The following PCSK2 variants were observed in gnomAD, a reference collection of about 807,000 sequenced individuals.
The protein encoded by PCSK2 is neuroendocrine convertase 2.
A neutral mutation model predicts 69.7 loss-of-function variants in PCSK2; 14 were observed. The observed-to-expected ratio is 0.20, with a 90% CI of 0.13 to 0.31. The LOEUF is 0.31. Among genes scored for constraint, PCSK2 ranks in the 10% least tolerant of loss-of-function variants. PCSK2 has a pLI of 1.00. For synonymous variants in PCSK2, 307 were observed against 320.7 expected, an observed-to-expected ratio of 0.96 and a Z score of 0.46; for missense variants, 544 against 842.5, an observed-to-expected ratio of 0.65 and a Z score of 4.39.
chr20:17,233,703 T>C (rs1009123586), intron 1 of PCSK2, among the ~76,000 whole-genome samples: 1 of 152,188 alleles, frequency 6.6e-6, no homozygotes, highest in Non-Finnish European at 1.5e-5. Context: ...AACCCCAGTT[T>C]CCAGCAAAAG....
intron 2 of PCSK2, among the ~76,000 whole-genome samples, chr20:17,333,910 C>CATATATATATAT (rs3076241): frequency 0.013 from 1,093 of 86,248 alleles, 53 homozygotes; most frequent in East Asian, 0.055. Flanking sequence ...TAAGTCACTG[C>CATATATATATAT]ATATATATAT....
intron 7 of PCSK2, among the ~76,000 whole-genome samples, chr20:17,430,532 G>A (rs750696829): frequency 3.9e-5 from 6 of 152,134 alleles, no homozygotes; most frequent in Non-Finnish European, 8.8e-5. Flanking sequence ...TTTCAACACT[G>A]TTTGCTAAGA....
chr20:17,375,608 T>C (rs1298008947), intron 5 of PCSK2, among the ~76,000 whole-genome samples: 1 of 152,118 alleles, frequency 6.6e-6, no homozygotes, highest in Non-Finnish European at 1.5e-5. Flanking sequence ...AGTGAGGTTT[T>C]CTCCGAGCCA....
chr20:17,334,654 G>A lies in PCSK2; in HGVS notation c.283-23673G>A, dbSNP rs534071125. ...GGGAGGGCCAATAGGAAGGGGCCAT[G>A]AGGGGTGGAGAACAACACCTGGAAG... is the stretch of plus-strand genomic sequence containing the variant. On this transcript the variant is annotated intron_variant, in intron 2 of 11. Transcript: ENST00000262545. 1.2e-3 allele frequency among the ~76,000 whole-genome samples: 184 copies of A among 152,282 alleles called. 2 individuals are homozygous for A. The highest frequency in any genetic ancestry group is 4.3e-3 in the African/African-American group (180 of 41,568).
rs868632428 is a variant in PCSK2, at chr20:17,481,447, A to C, written c.1431-137A>C. The C allele has an allele frequency of 2.4e-5, 14 of 583,090 alleles. No homozygotes were observed. In the Middle Eastern group the frequency reaches 3.8e-3, roughly 160 times the overall value. The allele number at this position is 583,090 out of a possible 1,614,324, so 36.1% of individuals were successfully genotyped here. On this transcript the variant is annotated intron_variant, in intron 11 of 11. Transcript: ENST00000262545. Reference sequence around the variant, plus strand: ...GTAACTTACTCAGGCTCACACAGCCAGTGTGGGAACTAAACCCAGGTCTGA... The same window carrying C: ...GTAACTTACTCAGGCTCACACAGCCCGTGTGGGAACTAAACCCAGGTCTGA...
intron 5 of PCSK2, among the ~76,000 whole-genome samples, chr20:17,393,893 T>TA (rs904959516): frequency 3.3e-5 from 5 of 152,160 alleles, no homozygotes; most frequent in African/African-American, 1.2e-4. Flanking sequence ...ACATTTAATG[T>TA]AAAAAAAGTA....
Position 17,275,084 on chromosome 20 carries a change from C to CATATATATAT in PCSK2, c.282+14760_282+14769dup, listed in dbSNP as rs11474649. 3.9e-3 allele frequency among the ~76,000 whole-genome samples: 547 copies of CATATATATAT among 141,478 alleles called. 3 individuals carry two copies. Among genetic ancestry groups the CATATATATAT allele is most frequent in the Non-Finnish European group, 5.4e-3 (352 of 65,470 alleles). The allele number at this position is 141,478 out of a possible 152,430, so 92.8% of individuals were successfully genotyped here. On this transcript the variant is annotated intron_variant, in intron 2 of 11. Coordinates refer to ENST00000262545, the MANE Select transcript of PCSK2 (RefSeq NM_002594.5). ...TCTTATTTTGTGCATATTATTTATA[C>CATATATATAT]ATATATATATATATATATATATATA...
At chr20:17,258,418 G>A (rs1215950082) in intron 1 of PCSK2, among the ~76,000 whole-genome samples, 1 of 151,952 alleles carries the variant, frequency 6.6e-6, no homozygotes, top group Admixed American at 6.6e-5. Flanking sequence ...GATTTTTGAA[G>A]GTTCTTATTC....
At chr20:17,233,384 T>C (rs1300260985) in intron 1 of PCSK2, among the ~76,000 whole-genome samples, 1 of 152,138 alleles carries the variant, frequency 6.6e-6, no homozygotes, top group Non-Finnish European at 1.5e-5. Context: ...GTGACACTCT[T>C]TTCCTCAAAA....
At chr20:17,463,935 G>A (rs942749612) in intron 10 of PCSK2, 4 of 152,002 alleles carry the variant, frequency 2.6e-5, no homozygotes, top group Non-Finnish European at 5.9e-5. Flanking sequence ...CAGAATCCTC[G>A]GTGAGTAATA....
intron 2 of PCSK2, among the ~76,000 whole-genome samples, chr20:17,327,545 C>T (rs1990096554): frequency 6.6e-6 from 1 of 152,216 alleles, no homozygotes; most frequent in Non-Finnish European, 1.5e-5. Context: ...GGAAGACGCC[C>T]TCTGCCCCTT....
chr20:17,258,997 T>C (rs975838839), intron 1 of PCSK2, among the ~76,000 whole-genome samples: 5 of 151,804 alleles, frequency 3.3e-5, no homozygotes, highest in African/African-American at 4.8e-5. Flanking sequence ...ATTTTCTTTA[T>C]ATTAAAAATA....
intron 8 of PCSK2, among the ~76,000 whole-genome samples, chr20:17,445,360 C>A (rs536053822): frequency 2.0e-4 from 13 of 65,546 alleles, no homozygotes; most frequent in African/African-American, 5.6e-4. Context: ...TACATCCCAA[C>A]TTCTTCTTAA....
intron 2 of PCSK2, among the ~76,000 whole-genome samples, chr20:17,322,126 G>C (rs184460233): frequency 1.3e-5 from 2 of 152,146 alleles, no homozygotes; most frequent in East Asian, 3.9e-4. Flanking sequence ...AAAGAAACCT[G>C]TTGATCAAGC....
intron 6 of PCSK2, among the ~76,000 whole-genome samples, chr20:17,420,938 A>G (rs1026883389): frequency 1.3e-5 from 2 of 152,228 alleles, no homozygotes; most frequent in Non-Finnish European, 2.9e-5. Flanking sequence ...AGAGTTGTGA[A>G]ATTCAGCAAA....
chr20:17,241,774 A>G (rs1168221922), intron 1 of PCSK2, among the ~76,000 whole-genome samples: 1 of 152,250 alleles, frequency 6.6e-6, no homozygotes, highest in Non-Finnish European at 1.5e-5. Context: ...ATATAAATAT[A>G]TGAATGCAGA....
intron 2 of PCSK2, among the ~76,000 whole-genome samples, chr20:17,336,447 T>G (rs1321754398): frequency 6.6e-6 from 1 of 152,218 alleles, no homozygotes; most frequent in South Asian, 2.1e-4. Context: ...ACTGTGCGAA[T>G]GTCACTGAAT....
In PCSK2 at chr20:17,474,964, C is replaced by T. The variant is rs2033266744; in HGVS notation, c.1431-6620C>T. 1.3e-5 allele frequency among the ~76,000 whole-genome samples: 2 copies of T among 152,058 alleles called. 1 individual carries two copies. The highest frequency in any genetic ancestry group is 2.9e-5 in the Non-Finnish European group (2 of 68,036). ...GTAATCAGTTTCCAATTGCTCTTCT[C>T]CAGAGACAGATAACACCTGTTTTAG... On this transcript the variant is annotated intron_variant, in intron 11 of 11. Coordinates refer to ENST00000262545, the MANE Select transcript of PCSK2 (RefSeq NM_002594.5).
At chr20:17,394,220 C>A (rs34662020) in intron 5 of PCSK2, among the ~76,000 whole-genome samples, 13,480 of 152,250 alleles carry the variant, frequency 0.089, 719 homozygotes, top group Non-Finnish European at 0.12. Flanking sequence ...CTCCACCTGA[C>A]AACTCTTATA....
Sources: gnomAD v4.1 joint callset for allele counts (sites outside exome capture counted in the v4.1 genomes callset) on GRCh38, gnomAD v4.1.1 for gene constraint, MANE v1.5 for transcripts, NCBI Gene and HGNC (gene_info 2026-07-23, HGNC 2026-07-21) for gene names.